The following PTPRJ variants were observed in gnomAD, a reference collection of about 807,000 sequenced individuals.
PTPRJ encodes the protein protein tyrosine phosphatase receptor type J, also known as receptor-type tyrosine-protein phosphatase eta.
In PTPRJ, 129 loss-of-function variants were observed where a neutral mutation model predicts 141.3. The observed-to-expected ratio is 0.91, with a 90% CI of 0.79 to 1.06. PTPRJ has a LOEUF of 1.06. Ranked by LOEUF, PTPRJ falls within the 50% of genes least tolerant of loss-of-function variation. The pLI is 0.00. For missense variants in PTPRJ, 1,601 were observed against 1,679.7 expected, an observed-to-expected ratio of 0.95 and a Z score of 0.82; for synonymous variants, 610 against 640.5, an observed-to-expected ratio of 0.95 and a Z score of 0.72.
chr11:48,154,698 T>C (rs564173633), intron 19 of PTPRJ, among the ~76,000 whole-genome samples: 1 of 152,380 alleles, frequency 6.6e-6, no homozygotes, highest in Non-Finnish European at 1.5e-5. Context: ...ATTAAGTTCT[T>C]TTTAAATTCA....
chr11:48,030,845 G>C (rs552955221), intron 1 of PTPRJ, among the ~76,000 whole-genome samples: 1 of 152,288 alleles, frequency 6.6e-6, no homozygotes, highest in African/African-American at 2.4e-5. Flanking sequence ...GAACACTTCT[G>C]CTTATCTCAT....
At chr11:48,025,904 T>G (rs1853795774) in intron 1 of PTPRJ, among the ~76,000 whole-genome samples, 1 of 152,162 alleles carries the variant, frequency 6.6e-6, no homozygotes, top group Non-Finnish European at 1.5e-5. Flanking sequence ...CTTTCTTCCC[T>G]CTCTGATTTG....
chr11:48,014,329 T>A (rs904780753), intron 1 of PTPRJ: 1 of 152,216 alleles, frequency 6.6e-6, no homozygotes, highest in African/African-American at 2.4e-5. Context: ...TAGAAGAAAC[T>A]TAAATCTGTT....
chr11:48,022,125 G>T (rs1442849497), intron 1 of PTPRJ, among the ~76,000 whole-genome samples: 2 of 152,126 alleles, frequency 1.3e-5, no homozygotes, highest in African/African-American at 2.4e-5. Flanking sequence ...ACGAAGAGGG[G>T]TGCCTCAGGC....
At chr11:48,016,201 G>C (rs1356662530) in intron 1 of PTPRJ, among the ~76,000 whole-genome samples, 1 of 152,188 alleles carries the variant, frequency 6.6e-6, no homozygotes, top group Non-Finnish European at 1.5e-5. Flanking sequence ...GCCTCACCCA[G>C]GAGAGAACCC....
intron 3 of PTPRJ, among the ~76,000 whole-genome samples, chr11:48,116,135 A>T (rs1188896463): frequency 8.8e-6 from 1 of 113,104 alleles, no homozygotes; most frequent in South Asian, 2.5e-4. Flanking sequence ...TGAATGGGTT[A>T]AAAAAAAAAA....
intron 7 of PTPRJ, among the ~76,000 whole-genome samples, chr11:48,130,012 C>T (rs561343265): frequency 7.0e-6 from 1 of 143,484 alleles, no homozygotes; most frequent in Non-Finnish European, 1.6e-5. Flanking sequence ...TATGCACACA[C>T]AGGGCTAAAA....
intron 1 of PTPRJ, among the ~76,000 whole-genome samples, chr11:48,095,500 T>C (rs956133593): frequency 3.3e-5 from 5 of 152,036 alleles, no homozygotes; most frequent in African/African-American, 1.2e-4. Flanking sequence ...ATATCTTTTG[T>C]TCAAAGCCAA....
chr11:48,149,922 C>G lies in PTPRJ; in HGVS notation c.3042-68C>G. The G allele has an allele frequency of 7.4e-6, 9 of 1,223,592 alleles. No individual in the cohort carries two copies. In the South Asian group the frequency reaches 1.2e-4, roughly 17 times the overall value. 75.8% of individuals were successfully genotyped at this position (1,223,592 alleles called of 1,614,324 possible). A position where few individuals can be genotyped will look rare whatever the true frequency, so the allele number is the denominator to read the frequency against. Reference sequence around the variant, plus strand: ...TTTGTTGTTTTGGGAAGATTGTTTACTGTCATTTCTAGAGTATGAATGAGT... The same window carrying G: ...TTTGTTGTTTTGGGAAGATTGTTTAGTGTCATTTCTAGAGTATGAATGAGT... On this transcript the variant is annotated intron_variant, in intron 16 of 24. Coordinates refer to ENST00000418331, the MANE Select transcript of PTPRJ (RefSeq NM_002843.4).
intron 1 of PTPRJ, among the ~76,000 whole-genome samples, chr11:48,088,799 T>TC (rs914592233): frequency 6.6e-6 from 1 of 152,088 alleles, no homozygotes; most frequent in East Asian, 1.9e-4. Flanking sequence ...TGTCTCCTTC[T>TC]CCCCCTCCTT....
intron 9 of PTPRJ, among the ~76,000 whole-genome samples, chr11:48,136,717 T>C (rs1857109708): frequency 6.6e-6 from 1 of 152,216 alleles, no homozygotes; most frequent in Non-Finnish European, 1.5e-5. Context: ...TATATTTTTC[T>C]CCATCTATTA....
intron 1 of PTPRJ, among the ~76,000 whole-genome samples, chr11:47,983,527 A>T (rs1853968405): frequency 6.6e-6 from 1 of 152,262 alleles, no homozygotes; most frequent in Non-Finnish European, 1.5e-5. Flanking sequence ...CGGAAGGCTC[A>T]GTGCTTAGTA....
intron 1 of PTPRJ, among the ~76,000 whole-genome samples, chr11:48,100,759 A>G (rs1856129559): frequency 6.6e-6 from 1 of 152,242 alleles, no homozygotes; most frequent in Admixed American, 6.5e-5. Flanking sequence ...GCACATGCCT[A>G]TAATCCCAGC....
chr11:48,128,862 C>A (rs1856903598), intron 7 of PTPRJ, among the ~76,000 whole-genome samples: 1 of 152,184 alleles, frequency 6.6e-6, no homozygotes, highest in Non-Finnish European at 1.5e-5. Flanking sequence ...TCGCAGGAAG[C>A]ACACCTTAGC....
chr11:48,055,264 T>A (rs547469922), intron 1 of PTPRJ, among the ~76,000 whole-genome samples: 52 of 152,230 alleles, frequency 3.4e-4, no homozygotes, highest in African/African-American at 1.3e-3. Context: ...CCCTCCAAAG[T>A]GGCCAGGACT....
intron 1 of PTPRJ, among the ~76,000 whole-genome samples, chr11:48,045,248 A>G (rs1392693626): frequency 2.0e-5 from 3 of 152,166 alleles, no homozygotes; most frequent in Admixed American, 2.0e-4. Flanking sequence ...TAGATCCCAG[A>G]CAGGTTTTGG....
intron 18 of PTPRJ, among the ~76,000 whole-genome samples, chr11:48,151,459 C>T (rs1199888174): frequency 1.3e-5 from 2 of 150,378 alleles, no homozygotes; most frequent in African/African-American, 2.5e-5. Context: ...TTGTAAAGAG[C>T]CTTTTTTTTT....
chr11:48,082,410 ATTTTTTTTTTTT>A (rs386373791), intron 1 of PTPRJ, among the ~76,000 whole-genome samples: 2 of 125,254 alleles, frequency 1.6e-5, no homozygotes, highest in South Asian at 5.3e-4. Context: ...TACCTGGCAA[ATTTTTTTTTTTT>A]TTTTTTTTGG....
At chr11:48,034,801 T>C (rs1318629796) in intron 1 of PTPRJ, among the ~76,000 whole-genome samples, 1 of 152,220 alleles carries the variant, frequency 6.6e-6, no homozygotes, top group Non-Finnish European at 1.5e-5. Flanking sequence ...CTGTCGGTTT[T>C]CCCATCAATC....
Sources: gnomAD v4.1 joint callset for allele counts (sites outside exome capture counted in the v4.1 genomes callset) on GRCh38, gnomAD v4.1.1 for gene constraint, MANE v1.5 for transcripts, NCBI Gene and HGNC (gene_info 2026-07-23, HGNC 2026-07-21) for gene names.